KANK2: variants seen among roughly 807,000 people sequenced by gnomAD.
KANK2 encodes KN motif and ankyrin repeat domains 2.
A neutral mutation model predicts 74.6 loss-of-function variants in KANK2; 41 were observed. That is an observed-to-expected ratio of 0.55 (90% CI 0.43 to 0.71). The LOEUF (loss-of-function observed/expected upper bound fraction) is 0.71, where lower values mean the gene tolerates loss of function less well. Among genes scored for constraint, KANK2 ranks in the 30% least tolerant of loss-of-function variants. KANK2 has a pLI of 0.00. For synonymous variants in KANK2, 537 were observed against 519.0 expected, an observed-to-expected ratio of 1.03 and a Z score of -0.47; for missense variants, 1,148 against 1,196.4, an observed-to-expected ratio of 0.96 and a Z score of 0.60.
chr19:11,182,470 G>A (rs905777192), intron 4 of KANK2, among the ~76,000 whole-genome samples: 9 of 151,432 alleles, frequency 5.9e-5, no homozygotes, highest in Non-Finnish European at 8.8e-5. Context: ...AAGTTACATT[G>A]AGCTATGACA....
At position 11,174,676 on chromosome 19, in the gene KANK2, G is replaced by C; in HGVS notation, c.1865C>G (p.Thr622Arg). The change falls in exon 9 of 13, where the codon ACA becomes AGA. Residue 622 changes from threonine to arginine, a missense_variant. Physicochemically the swap from Thr to Arg is moderately conservative, Grantham distance 71 (BLOSUM62 -1). Coordinates refer to ENST00000586659, the MANE Select transcript of KANK2 (RefSeq NM_001136191.3). ...CAGGCGCAGCCACTCCTGCAGCACTGTGGTGTAGGCCACTTTCTGCATGCG... is the reference window on the plus strand; with the variant it reads ...CAGGCGCAGCCACTCCTGCAGCACTCTGGTGTAGGCCACTTTCTGCATGCG... ...TERELKVAYT[T>R]VLQEWLRLAC... 1 of 1,606,012 alleles carries C rather than the reference G, an allele frequency of 6.2e-7. No individual in the cohort carries two copies.
chr19:11,175,314 G>C (rs1180723238), intron 8 of KANK2, among the ~76,000 whole-genome samples: 1 of 149,842 alleles, frequency 6.7e-6, no homozygotes, highest in Non-Finnish European at 1.5e-5. Context: ...TATAGTCCCA[G>C]CTACTTGGGA....
At chr19:11,181,617 G>T (rs1179364752) in intron 4 of KANK2, among the ~76,000 whole-genome samples, 1 of 151,986 alleles carries the variant, frequency 6.6e-6, no homozygotes, top group Non-Finnish European at 1.5e-5. Flanking sequence ...AGGAGAATGG[G>T]AAGTGTGTTT....
intron 4 of KANK2, among the ~76,000 whole-genome samples, chr19:11,181,913 T>C (rs112125085): frequency 0.011 from 1,551 of 136,412 alleles, 30 homozygotes; most frequent in African/African-American, 0.041. Flanking sequence ...GATAAGATGG[T>C]TAATTTTTTT....
chr19:11,170,099 G>C lies in KANK2; in HGVS notation c.2361C>G (p.Ile787Met), dbSNP rs201401900. 6.2e-7 allele frequency: 1 copy of C among 1,613,534 alleles called. No individual in the cohort carries two copies. Among genetic ancestry groups the C allele is most frequent in the Non-Finnish European group, 8.5e-7 (1 of 1,179,972 alleles). The part of the protein sequence containing the change: ...MCACEHGHKE[I>M]AGLLLAVPSC... ...TGGGCACGGCCAGCAGCAGCCCCGC[G>C]ATCTCCTTGTGGCCGTGCTCACAGG... The change falls in exon 11 of 13, where the codon ATC becomes ATG. Residue 787 changes from isoleucine (I) to methionine (M), a missense_variant. Physicochemically the swap from Ile to Met is conservative, Grantham distance 10. Coordinates refer to ENST00000586659, the MANE Select transcript of KANK2 (RefSeq NM_001136191.3). This position sits in a 1 kb window ranked among gnomAD's most constrained non-coding sequence, Gnocchi z 5.2.
chr19:11,168,016 T>G lies in KANK2; in HGVS notation c.2503-1405A>C, dbSNP rs540997052. 8.4e-3 allele frequency among the ~76,000 whole-genome samples: 1,275 copies of G among 150,940 alleles called. 19 individuals are homozygous for G. The highest frequency in any genetic ancestry group is 0.029 in the African/African-American group (1,207 of 41,142). On this transcript the variant is annotated intron_variant, in intron 12 of 12. Coordinates refer to ENST00000586659, the MANE Select transcript of KANK2 (RefSeq NM_001136191.3). ...CATCCCACGTCCTTGTTTTTTTTTTTTTTTTTTTTTCTTTGAGACAGAGTT... is the reference window on the plus strand; with the variant it reads ...CATCCCACGTCCTTGTTTTTTTTTTGTTTTTTTTTTCTTTGAGACAGAGTT...
intron 4 of KANK2, among the ~76,000 whole-genome samples, chr19:11,183,306 G>A (rs1372898898): frequency 2.0e-5 from 3 of 152,160 alleles, no homozygotes; most frequent in Non-Finnish European, 2.9e-5. Context: ...GGGAGACGGT[G>A]GATTCTGTGG....
chr19:11,178,242 A>G, intron 6 of KANK2, 103 bp downstream of exon 6: 1 of 1,066,946 alleles, frequency 9.4e-7, no homozygotes. Context: ...CGAATTAACC[A>G]AAGCAAGGAG....
chr19:11,176,955 G>A, intron 6 of KANK2, 138 bp from the exon 7 acceptor site: 1 of 1,025,728 alleles, frequency 9.7e-7, no homozygotes, highest in South Asian at 2.2e-5. Context: ...TGACATTCCA[G>A]GGTTGTGGGA....
At chr19:11,178,287 G>T in intron 6 of KANK2, 58 bp downstream of exon 6, 1 of 1,187,348 alleles carries the variant, frequency 8.4e-7, no homozygotes, top group Non-Finnish European at 1.1e-6. Flanking sequence ...TCTCGTGCGT[G>T]GATGAATGGA....
intron 10 of KANK2, among the ~76,000 whole-genome samples, chr19:11,171,069 C>T (rs760441450): frequency 6.6e-6 from 1 of 152,168 alleles, no homozygotes; most frequent in African/African-American, 2.4e-5. Context: ...ATCCGCCCGC[C>T]TAGGTTTACA....
chr19:11,180,513 C>G (rs542745817), intron 4 of KANK2, among the ~76,000 whole-genome samples: 40 of 152,040 alleles, frequency 2.6e-4, no homozygotes, highest in African/African-American at 8.7e-4. Context: ...TAGACAGGGC[C>G]GGCTGCATGA....
intron 10 of KANK2, 125 bp downstream of exon 10, chr19:11,172,856 A>G: frequency 1.0e-6 from 1 of 1,004,000 alleles, no homozygotes; most frequent in Non-Finnish European, 1.5e-6. Flanking sequence ...CCTGTGTCAG[A>G]GACAGCCTGG....
chr19:11,177,861 C>T lies in KANK2; in HGVS notation c.1520+484G>A, dbSNP rs75395371. On this transcript the variant is annotated intron_variant, in intron 6 of 12. Coordinates refer to ENST00000586659, the MANE Select transcript of KANK2 (RefSeq NM_001136191.3). ...AGCCTTTACCCACGCTGTGCCCCTG[C>T]CAGAAGAGCCCTCCCCACACCCTCT... is the stretch of plus-strand genomic sequence containing the variant. Among the ~76,000 whole-genome samples the T allele has an allele frequency of 2.4e-4, 37 of 152,216 alleles. No individual in the cohort carries two copies. In the East Asian group the frequency reaches 7.1e-3, roughly 29 times the overall value.
intron 4 of KANK2, among the ~76,000 whole-genome samples, chr19:11,184,115 G>A (rs1185349451): frequency 6.6e-6 from 1 of 152,144 alleles, no homozygotes; most frequent in Non-Finnish European, 1.5e-5. Context: ...GGTGGCTCAT[G>A]CCTGTAATCC....
chr19:11,184,490 G>T (rs78226647), intron 4 of KANK2, among the ~76,000 whole-genome samples: 4,902 of 150,282 alleles, frequency 0.033, 382 homozygotes, highest in Non-Finnish European at 0.044. Flanking sequence ...CTAGAACAGG[G>T]TCAACAAACC....
chr19:11,178,722 T>G lies in KANK2; in HGVS notation c.1250-2A>C. 1 of 1,524,848 alleles carries G rather than the reference T, an allele frequency of 6.6e-7. No homozygotes were observed. The highest frequency in any genetic ancestry group is 8.8e-7 in the Non-Finnish European group (1 of 1,141,662). The allele number at this position is 1,524,848 out of a possible 1,614,324, so 94.5% of individuals were successfully genotyped here. On this transcript the variant is annotated splice_acceptor_variant, in intron 4 of 12. Coordinates refer to ENST00000586659, the MANE Select transcript of KANK2 (RefSeq NM_001136191.3). LOFTEE classifies it high-confidence loss of function. ...ATTCGGCAGGAACTTCTGGGAGGCC[T>G]GGAGGGACAGGAAATGAGTGTCTGC...
At position 11,175,907 on chromosome 19, in the gene KANK2, C is replaced by T; in HGVS notation, c.1843G>A (p.Glu615Lys). 3 of 1,613,348 alleles carry T rather than the reference C, an allele frequency of 1.9e-6. No individual in the cohort carries two copies. The highest frequency in any genetic ancestry group is 2.5e-6 in the Non-Finnish European group (3 of 1,179,572). Residue 615 changes from glutamate (E) to lysine (K), a missense_variant, in exon 8 of 13, where the codon GAG becomes AAG. By Grantham distance (56) the Glu-to-Lys change is moderately conservative. Transcript: ENST00000586659. Reference protein sequence around the residue: ...LDNPNALTERELKVAYTTVLQ... With the variant: ...LDNPNALTERKLKVAYTTVLQ... Reference sequence around the variant, plus strand: ...GGCCCAGGGCCAGATCGTACCAGCTCCCGCTCTGTGAGGGCGTTGGGATTG... The same window carrying T: ...GGCCCAGGGCCAGATCGTACCAGCTTCCGCTCTGTGAGGGCGTTGGGATTG...
Position 11,172,133 on chromosome 19 carries a change from G to GGCC in KANK2, c.2211+847_2211+848insGGC, listed in dbSNP as rs561617873. Among the ~76,000 whole-genome samples the GGCC allele has an allele frequency of 2.8e-4, 42 of 151,654 alleles. No homozygotes were observed. In the East Asian group the frequency reaches 7.8e-3, roughly 28 times the overall value. On this transcript the variant is annotated intron_variant, in intron 10 of 12. Coordinates refer to ENST00000586659, the MANE Select transcript of KANK2 (RefSeq NM_001136191.3). ...TGGGATTATAGGCACGTGCCACCAC[G>GGCC]CCCAGCTAATTTTTTAATTTTTTAG... is the stretch of plus-strand genomic sequence containing the variant.
Sources: allele counts gnomAD v4.1 joint callset (sites outside exome capture counted in the v4.1 genomes callset), GRCh38; gene constraint gnomAD v4.1.1; non-coding constraint Gnocchi (gnomAD v3.1); transcripts MANE v1.5; gene names NCBI Gene and HGNC (gene_info 2026-07-23, HGNC 2026-07-21).